INPP4B: variants seen among roughly 807,000 people sequenced by gnomAD.
INPP4B encodes the protein inositol polyphosphate 4-phosphatase type II.
A neutral mutation model predicts 122.5 loss-of-function variants in INPP4B; 55 were observed. The observed-to-expected ratio is 0.45, with a 90% CI of 0.36 to 0.56. The LOEUF (loss-of-function observed/expected upper bound fraction) is 0.56, where lower values mean the gene tolerates loss of function less well. INPP4B is among the 20% of genes least tolerant of loss of function. INPP4B has a pLI of 0.00. For missense variants in INPP4B, 1,000 were observed against 1,097.7 expected (o/e 0.91, Z 1.26); for synonymous variants, 403 against 388.7 (o/e 1.04, Z -0.43).
At chr4:142,581,538 A>G (rs1735071919) in intron 2 of INPP4B, among the ~76,000 whole-genome samples, 1 of 91,134 alleles carries the variant, frequency 1.1e-5, no homozygotes, top group Admixed American at 1.3e-4. Context: ...TTAGAAATAG[A>G]TAGAAGTTCC....
intron 25 of INPP4B, among the ~76,000 whole-genome samples, chr4:142,080,186 T>A (rs141222184): frequency 1.4e-3 from 208 of 152,176 alleles, no homozygotes; most frequent in African/African-American, 4.8e-3. Flanking sequence ...CTATGGGTAA[T>A]GTATGGCATA....
chr4:142,465,636 C>G (rs192629728), intron 2 of INPP4B, among the ~76,000 whole-genome samples: 1 of 152,018 alleles, frequency 6.6e-6, no homozygotes, highest in Non-Finnish European at 1.5e-5. Context: ...CCTTTTGTGG[C>G]CTTTGATATG....
At chr4:142,245,374 CTTGAG>C (rs1268512576) in intron 11 of INPP4B, among the ~76,000 whole-genome samples, 1 of 152,082 alleles carries the variant, frequency 6.6e-6, no homozygotes, top group African/African-American at 2.4e-5. Flanking sequence ...TTTAATCCAT[CTTGAG>C]TTAACTTTTT....
intron 1 of INPP4B, among the ~76,000 whole-genome samples, chr4:142,817,152 C>T (rs1441379366): frequency 6.6e-6 from 1 of 152,084 alleles, no homozygotes; most frequent in African/African-American, 2.4e-5. Flanking sequence ...AGATGGGGAT[C>T]AGGGAGGAAA....
chr4:142,145,896 T>C lies in INPP4B; in HGVS notation c.1664A>G (p.Asn555Ser), dbSNP rs908537477. 1.9e-6 allele frequency: 3 copies of C among 1,613,926 alleles called. No individual in the cohort carries two copies. The highest frequency in any genetic ancestry group is 1.7e-5 in the Admixed American group (1 of 60,012). ...RDGGSEGSGG[N>S]NDGEKEPSLT... is the part of the protein sequence containing the mutation. ...TGAAGGTTCCTTTTCTCCATCATTGTTGCCGCCACTGCCTTCACTGCCACC... is the reference window on the plus strand; with the variant it reads ...TGAAGGTTCCTTTTCTCCATCATTGCTGCCGCCACTGCCTTCACTGCCACC... The change falls in exon 18 of 26, where the codon AAC becomes AGC. Residue 555 changes from asparagine to serine, a missense_variant. By Grantham distance (46) the Asn-to-Ser change is conservative (BLOSUM62 1). Coordinates refer to ENST00000262992, the MANE Select transcript of INPP4B (RefSeq NM_001101669.3).
At chr4:142,575,220 CA>C (rs1253169319) in intron 2 of INPP4B, among the ~76,000 whole-genome samples, 1 of 145,122 alleles carries the variant, frequency 6.9e-6, no homozygotes, top group Non-Finnish European at 1.5e-5. Context: ...AGAGGCCAAA[CA>C]AAAGGAAAAA....
intron 3 of INPP4B, among the ~76,000 whole-genome samples, chr4:142,453,220 G>A (rs9986083): frequency 3.0e-4 from 46 of 152,222 alleles, no homozygotes; most frequent in African/African-American, 1.0e-3. Context: ...ACTGTCAGAC[G>A]TTTCAAAATC....
chr4:142,168,396 A>G (rs1823926133), intron 16 of INPP4B, among the ~76,000 whole-genome samples: 1 of 151,490 alleles, frequency 6.6e-6, no homozygotes, highest in African/African-American at 2.4e-5. Flanking sequence ...TTGACTTTAC[A>G]TTCTTGGCTG....
chr4:142,261,097 C>T lies in INPP4B; in HGVS notation c.616-533G>A, dbSNP rs1739768708. 2.0e-5 allele frequency among the ~76,000 whole-genome samples: 3 copies of T among 152,276 alleles called. No individual in the cohort carries two copies. In the South Asian group the frequency reaches 6.2e-4, roughly 32 times the overall value. Reference sequence around the variant, plus strand: ...TATAAATAAGCTGATCTCTGGAATCCATAATGAATTGATTAAGCTCCTGAC... The same window carrying T: ...TATAAATAAGCTGATCTCTGGAATCTATAATGAATTGATTAAGCTCCTGAC... On this transcript the variant is annotated intron_variant, in intron 10 of 25. Coordinates refer to ENST00000262992, the MANE Select transcript of INPP4B (RefSeq NM_001101669.3).
chr4:142,139,946 G>A (rs970580271), intron 18 of INPP4B, among the ~76,000 whole-genome samples: 20 of 152,180 alleles, frequency 1.3e-4, no homozygotes, highest in African/African-American at 2.9e-4. Context: ...CAAAGTGCTT[G>A]GATTACAAGT....
intron 2 of INPP4B, among the ~76,000 whole-genome samples, chr4:142,675,314 C>G (rs1036264953): frequency 1.3e-5 from 2 of 152,224 alleles, no homozygotes; most frequent in East Asian, 3.9e-4. Context: ...AGGCGATTCC[C>G]TGAATAGACC....
intron 2 of INPP4B, among the ~76,000 whole-genome samples, chr4:142,500,801 C>T (rs1019808666): frequency 6.6e-6 from 1 of 152,032 alleles, no homozygotes; most frequent in Non-Finnish European, 1.5e-5. Flanking sequence ...CTGCATGATT[C>T]CACCTATATG....
intron 1 of INPP4B, among the ~76,000 whole-genome samples, chr4:142,813,399 T>C (rs750707463): frequency 6.6e-6 from 1 of 152,236 alleles, no homozygotes; most frequent in Non-Finnish European, 1.5e-5. Context: ...CAAAAATCTC[T>C]GGATGAACAG....
rs1774204685 is a variant in INPP4B, at chr4:142,082,109, A to C, written c.2564T>G (p.Leu855Arg). 2 of 1,526,344 alleles carry C rather than the reference A, an allele frequency of 1.3e-6. No individual in the cohort carries two copies. Among genetic ancestry groups the C allele is most frequent in the Non-Finnish European group, 8.9e-7 (1 of 1,117,554 alleles). The allele number at this position is 1,526,344 out of a possible 1,614,324, so 94.6% of individuals were successfully genotyped here. A position where few individuals can be genotyped will look rare whatever the true frequency, so the allele number is the denominator to read the frequency against. Residue 855 changes from leucine (L) to arginine (R), a missense_variant, in exon 25 of 26, where the codon CTT becomes CGT. Physicochemically the swap from Leu to Arg is moderately radical, Grantham distance 102. Transcript: ENST00000262992. The part of the protein sequence containing the change: ...AKDRTSMSVT[L>R]EQCSILRDEH... ...ATCTCTCAAGATTGAGCATTGTTCA[A>C]GTGTCACTGACATCGATGTCCTGTC...
intron 25 of INPP4B, among the ~76,000 whole-genome samples, chr4:142,075,423 A>G (rs1459624204): frequency 6.6e-6 from 1 of 151,456 alleles, no homozygotes; most frequent in African/African-American, 2.4e-5. Context: ...ACTCTAAGCT[A>G]AGTTGTTTCT....
chr4:142,266,554 C>G (rs189730836), intron 10 of INPP4B, among the ~76,000 whole-genome samples: 1 of 152,180 alleles, frequency 6.6e-6, no homozygotes. Context: ...AAAAATCAAA[C>G]ATGCTCCAAG....
intron 2 of INPP4B, among the ~76,000 whole-genome samples, chr4:142,470,202 A>G (rs1314120272): frequency 6.6e-6 from 1 of 152,084 alleles, no homozygotes; most frequent in Non-Finnish European, 1.5e-5. Context: ...AGGAGCAGAT[A>G]TAAAATTATT....
At chr4:142,114,532 T>C (rs1193041791) in intron 21 of INPP4B, among the ~76,000 whole-genome samples, 1 of 152,130 alleles carries the variant, frequency 6.6e-6, no homozygotes, top group African/African-American at 2.4e-5. Context: ...TGAATATGTT[T>C]TCTTGTACTT....
intron 12 of INPP4B, among the ~76,000 whole-genome samples, chr4:142,221,923 T>C (rs1403967821): frequency 6.6e-6 from 1 of 152,170 alleles, no homozygotes; most frequent in Non-Finnish European, 1.5e-5. Context: ...GGTCCTTTCC[T>C]TCTTAACCTG....
Sources: gnomAD v4.1 joint callset for allele counts (sites outside exome capture counted in the v4.1 genomes callset) on GRCh38, gnomAD v4.1.1 for gene constraint, MANE v1.5 for transcripts, NCBI Gene and HGNC (gene_info 2026-07-23, HGNC 2026-07-21) for gene names.